ASB18: variants seen among roughly 807,000 people sequenced by gnomAD.
ASB18 encodes the protein ankyrin repeat and SOCS box containing 18, also known as ankyrin repeat and SOCS box protein 18.
A neutral mutation model predicts 33.4 loss-of-function variants in ASB18; 33 were observed. That is an observed-to-expected ratio of 0.99 (90% CI 0.75 to 1.32). The LOEUF (loss-of-function observed/expected upper bound fraction) is 1.32, where lower values mean the gene tolerates loss of function less well. ASB18 is among the 40% of genes most tolerant of loss of function. The pLI, the probability that ASB18 is intolerant of heterozygous loss-of-function variation, is 0.00. For synonymous variants in ASB18, 295 were observed against 307.6 expected, an observed-to-expected ratio of 0.96 and a Z score of 0.43; for missense variants, 694 against 655.5, an observed-to-expected ratio of 1.06 and a Z score of -0.64.
In ASB18 at chr2:236,196,510, AG is replaced by A; in HGVS notation, c.1102-126del. 1 of 642,830 alleles carries A rather than the reference AG, an allele frequency of 1.6e-6. No homozygotes were observed. Among genetic ancestry groups the A allele is most frequent in the Non-Finnish European group, 2.9e-6 (1 of 350,364 alleles). 39.8% of individuals were successfully genotyped at this position (642,830 alleles called of 1,614,324 possible). A position where few individuals can be genotyped will look rare whatever the true frequency, so the allele number is the denominator to read the frequency against. On this transcript the variant is annotated intron_variant, in intron 4 of 5. Coordinates refer to ENST00000409749, the MANE Select transcript of ASB18 (RefSeq NM_212556.4). The surrounding 1 kb of genome is among the most constrained non-coding windows in gnomAD (Gnocchi z 5.6). ...TGACCTCCCTACGCCCAAGCCACAC[AG>A]GGAACAGCAACAGAGCAGTACCACA...
In ASB18 at chr2:236,203,780, T is replaced by C. The variant is rs919962884; in HGVS notation, c.1102-7395A>G. On this transcript the variant is annotated intron_variant, in intron 4 of 5. Coordinates refer to ENST00000409749, the MANE Select transcript of ASB18 (RefSeq NM_212556.4). The surrounding 1 kb of genome is among the most constrained non-coding windows in gnomAD (Gnocchi z 6.0). ...TACCCAGGAGACTGAGGTGGAAGAA[T>C]TGCTTGAGCCTGGAAGGTCGACGCT... Among the ~76,000 whole-genome samples, 20 of 152,144 alleles carry C rather than the reference T, an allele frequency of 1.3e-4. No homozygotes were observed. The highest frequency in any genetic ancestry group is 2.6e-4 in the Non-Finnish European group (18 of 68,024).
intron 1 of ASB18, among the ~76,000 whole-genome samples, chr2:236,254,424 C>G (rs72976650): frequency 1.3e-5 from 2 of 152,008 alleles, no homozygotes; most frequent in East Asian, 3.9e-4. Context: ...CAGCTGACTC[C>G]CTTCTATCAA....
rs568906072 is a variant in ASB18, at chr2:236,211,543, C to T, written c.1101+2819G>A. ...TGTCTCTTTACATCTATTCACAGTA[C>T]GGCTGCTGCCCACGGACGGCTTGCC... On this transcript the variant is annotated intron_variant, in intron 4 of 5. Transcript: ENST00000409749. This position sits in a 1 kb window ranked among gnomAD's most constrained non-coding sequence, Gnocchi z 5.0. Among the ~76,000 whole-genome samples the T allele has an allele frequency of 1.6e-3, 240 of 152,342 alleles. No individual in the cohort carries two copies. The highest frequency in any genetic ancestry group is 5.2e-3 in the Admixed American group (80 of 15,306).
In ASB18 at chr2:236,220,809, AGTT is replaced by A. The variant is rs1559331476; in HGVS notation, c.597-5946_597-5944del. On this transcript the variant is annotated intron_variant, in intron 3 of 5. Coordinates refer to ENST00000409749, the MANE Select transcript of ASB18 (RefSeq NM_212556.4). This position sits in a 1 kb window ranked among gnomAD's most constrained non-coding sequence, Gnocchi z 5.1. ...GGTTCTGTTCTAGGCGTTTTCCACA[AGTT>A]ATGAGTGACCTTTTCATTCATTCAA... 6.6e-6 allele frequency among the ~76,000 whole-genome samples: 1 copy of A among 152,134 alleles called. No individual in the cohort carries two copies. The highest frequency in any genetic ancestry group is 1.5e-5 in the Non-Finnish European group (1 of 68,028).
Position 236,214,418 on chromosome 2 carries a change from C to G in ASB18, c.1045G>C (p.Val349Leu). ...GAGCCGTGGTTGAGCAGCGCCTGCA[C>G]CGTGCGCTGCGGTGAGGCCTGGAGA... Reference protein sequence around the residue: ...CALQASPQRTVQALLNHGSPT... With the variant: ...CALQASPQRTLQALLNHGSPT... Residue 349 changes from valine to leucine, a missense_variant, in exon 4 of 6, where the codon GTG becomes CTG. By Grantham distance (32) the Val-to-Leu change is conservative (BLOSUM62 1). Coordinates refer to ENST00000409749, the MANE Select transcript of ASB18 (RefSeq NM_212556.4). This position sits in a 1 kb window ranked among gnomAD's most constrained non-coding sequence, Gnocchi z 6.5. 3.2e-6 allele frequency: 5 copies of G among 1,566,368 alleles called. 1 individual carries two copies. In the South Asian group the frequency reaches 3.5e-5, roughly 11 times the overall value.
chr2:236,227,708 G>A (rs2060546930), intron 3 of ASB18, among the ~76,000 whole-genome samples: 4 of 152,210 alleles, frequency 2.6e-5, no homozygotes, highest in African/African-American at 9.6e-5. Context: ...TTCTTAGTAT[G>A]TAGAAAGACT....
At position 236,255,880 on chromosome 2, in the gene ASB18, G is replaced by A. The variant is rs910480923; in HGVS notation, c.205+8261C>T. 2.6e-5 allele frequency among the ~76,000 whole-genome samples: 4 copies of A among 152,076 alleles called. No homozygotes were observed. Among genetic ancestry groups the A allele is most frequent in the East Asian group, 3.9e-4 (2 of 5,176 alleles). The stretch of plus-strand genomic sequence containing the variant: ...CTTGGGTGCACTACGTTTCCTGCTC[G>A]CCTCCCTTTATCTGGGCTTCCTTCC... On this transcript the variant is annotated intron_variant, in intron 1 of 5. Coordinates refer to ENST00000409749, the MANE Select transcript of ASB18 (RefSeq NM_212556.4). The surrounding 1 kb of genome is among the most constrained non-coding windows in gnomAD (Gnocchi z 4.4).
chr2:236,234,134 A>G lies in ASB18; in HGVS notation c.596+3555T>C, dbSNP rs1271960206. Among the ~76,000 whole-genome samples the G allele has an allele frequency of 6.6e-6, 1 of 152,218 alleles. No homozygotes were observed. The highest frequency in any genetic ancestry group is 1.5e-5 in the Non-Finnish European group (1 of 68,028). Reference sequence around the variant, plus strand: ...GACCCTGCACATATCCACATAGGCCACAAAGCAAAACTGGAACCACTACTG... The same window carrying G: ...GACCCTGCACATATCCACATAGGCCGCAAAGCAAAACTGGAACCACTACTG... On this transcript the variant is annotated intron_variant, in intron 3 of 5. Transcript: ENST00000409749. This position sits in a 1 kb window ranked among gnomAD's most constrained non-coding sequence, Gnocchi z 4.1.
At chr2:236,202,268 CCTTTTGTTTCA>C (rs2060406688) in intron 4 of ASB18, among the ~76,000 whole-genome samples, 1 of 151,804 alleles carries the variant, frequency 6.6e-6, no homozygotes, top group Non-Finnish European at 1.5e-5. Context: ...TAAATTTTAA[CCTTTTGTTTCA>C]CTTTGTTTTA....
At position 236,221,140 on chromosome 2, in the gene ASB18, T is replaced by A. The variant is rs749385508; in HGVS notation, c.597-6274A>T. Among the ~76,000 whole-genome samples, 74 of 152,050 alleles carry A rather than the reference T, an allele frequency of 4.9e-4. No homozygotes were observed. Among genetic ancestry groups the A allele is most frequent in the Non-Finnish European group, 9.9e-4 (67 of 68,006 alleles). On this transcript the variant is annotated intron_variant, in intron 3 of 5. Transcript: ENST00000409749. This position sits in a 1 kb window ranked among gnomAD's most constrained non-coding sequence, Gnocchi z 5.6. ...TGGCCTTGCAGTCAGTGTGTCCTGT[T>A]TGGGATATGAACTCCAGCCCCCACT...
At chr2:236,210,484 T>A (rs1299861252) in intron 4 of ASB18, 1 of 152,196 alleles carries the variant, frequency 6.6e-6, no homozygotes, top group Admixed American at 6.5e-5. Flanking sequence ...CGGAATGCAA[T>A]CCATAAGTCT....
In ASB18 at chr2:236,196,136, T is replaced by C; in HGVS notation, c.1215+136A>G. On this transcript the variant is annotated intron_variant, in intron 5 of 5. Transcript: ENST00000409749. This position sits in a 1 kb window ranked among gnomAD's most constrained non-coding sequence, Gnocchi z 5.6. Reference sequence around the variant, plus strand: ...CCAGAAAAAACCAGAAACGTGCAAATACACCCTCATTTCCCATTCTTCCTT... The same window carrying C: ...CCAGAAAAAACCAGAAACGTGCAAACACACCCTCATTTCCCATTCTTCCTT... 1 of 703,668 alleles carries C rather than the reference T, an allele frequency of 1.4e-6. No homozygotes were observed. The highest frequency in any genetic ancestry group is 2.6e-6 in the Non-Finnish European group (1 of 377,640). The allele number at this position is 703,668 out of a possible 1,614,324, so 43.6% of individuals were successfully genotyped here. A position where few individuals can be genotyped will look rare whatever the true frequency, so the allele number is the denominator to read the frequency against.
intron 1 of ASB18, among the ~76,000 whole-genome samples, chr2:236,246,229 T>G (rs1395349531): frequency 6.6e-6 from 1 of 151,848 alleles, no homozygotes; most frequent in South Asian, 2.1e-4. Flanking sequence ...GGCACATGCC[T>G]GTAATCCCAG....
At chr2:236,199,185 G>A (rs1282262484) in intron 4 of ASB18, among the ~76,000 whole-genome samples, 1 of 152,124 alleles carries the variant, frequency 6.6e-6, no homozygotes, top group African/African-American at 2.4e-5. Flanking sequence ...GCTGAGGTAA[G>A]TGGATTACCT....
chr2:236,196,005 T>C lies in ASB18; in HGVS notation c.1215+267A>G, dbSNP rs2060370619. On this transcript the variant is annotated intron_variant, in intron 5 of 5. Coordinates refer to ENST00000409749, the MANE Select transcript of ASB18 (RefSeq NM_212556.4). This position sits in a 1 kb window ranked among gnomAD's most constrained non-coding sequence, Gnocchi z 5.6. ...GCTCTGGCCTTTCTTTGGACACTGG[T>C]TAAGGAACCCTCGCGCTTTTCAGGC... 3 of 471,272 alleles carry C rather than the reference T, an allele frequency of 6.4e-6. No individual in the cohort carries two copies. In the East Asian group the frequency reaches 1.3e-4, roughly 21 times the overall value. The allele number at this position is 471,272 out of a possible 1,614,324, so 29.2% of individuals were successfully genotyped here.
intron 2 of ASB18, among the ~76,000 whole-genome samples, chr2:236,240,193 T>C (rs2060615191): frequency 1.3e-5 from 2 of 152,192 alleles, no homozygotes; most frequent in Non-Finnish European, 2.9e-5. Context: ...TGGTCTGGGA[T>C]AGGTGAGGGA....
chr2:236,195,154 T>C lies in ASB18; in HGVS notation c.1216-97A>G, dbSNP rs962988370. 1 of 1,127,748 alleles carries C rather than the reference T, an allele frequency of 8.9e-7. No individual in the cohort carries two copies. The highest frequency in any genetic ancestry group is 1.6e-5 in the African/African-American group (1 of 63,580). 69.9% of individuals were successfully genotyped at this position (1,127,748 alleles called of 1,614,324 possible). ...CACTGATGGTACAAGCGGGCTTTTC[T>C]ATGGCTAACTGATCCCAGATAAGCG... On this transcript the variant is annotated intron_variant, in intron 5 of 5. Coordinates refer to ENST00000409749, the MANE Select transcript of ASB18 (RefSeq NM_212556.4). The surrounding 1 kb of genome is among the most constrained non-coding windows in gnomAD (Gnocchi z 5.5).
At position 236,208,477 on chromosome 2, in the gene ASB18, C is replaced by G. The variant is rs1559328435; in HGVS notation, c.1101+5885G>C. 2.0e-5 allele frequency among the ~76,000 whole-genome samples: 3 copies of G among 152,206 alleles called. No individual in the cohort carries two copies. Among genetic ancestry groups the G allele is most frequent in the Admixed American group, 1.3e-4 (2 of 15,282 alleles). ...GGCGATGCTCAGGTCTTGCTCACTG[C>G]AAACCTCCAGCGACCCTCCCACTGG... On this transcript the variant is annotated intron_variant, in intron 4 of 5. Coordinates refer to ENST00000409749, the MANE Select transcript of ASB18 (RefSeq NM_212556.4). This position sits in a 1 kb window ranked among gnomAD's most constrained non-coding sequence, Gnocchi z 7.7.
At chr2:236,224,117 T>C (rs1482894000) in intron 3 of ASB18, among the ~76,000 whole-genome samples, 2 of 151,920 alleles carry the variant, frequency 1.3e-5, no homozygotes, top group African/African-American at 4.8e-5. Flanking sequence ...GATATCATTT[T>C]ACCCACCCAA....
Sources: gnomAD v4.1 joint callset for allele counts (sites outside exome capture counted in the v4.1 genomes callset) on GRCh38, gnomAD v4.1.1 for gene constraint, Gnocchi (gnomAD v3.1) non-coding constraint, MANE v1.5 for transcripts, NCBI Gene and HGNC (gene_info 2026-07-23, HGNC 2026-07-21) for gene names.